CTNNA3: variants seen among roughly 807,000 people sequenced by gnomAD.
CTNNA3 encodes the protein catenin alpha-3.
Under a neutral mutation model 95.7 loss-of-function variants are expected in CTNNA3, and 76 were observed. The observed-to-expected ratio is 0.79, with a 90% confidence interval of 0.66 to 0.96. The LOEUF is 0.96. CTNNA3 is among the 40% of genes least tolerant of loss of function. CTNNA3 has a pLI of 0.00. For synonymous variants in CTNNA3, 431 were observed against 374.4 expected, an observed-to-expected ratio of 1.15 and a Z score of -1.74; for missense variants, 1,191 against 1,089.8, an observed-to-expected ratio of 1.09 and a Z score of -1.31.
At chr10:66,639,285 A>G (rs1589053022) in intron 9 of CTNNA3, among the ~76,000 whole-genome samples, 1 of 152,152 alleles carries the variant, frequency 6.6e-6, no homozygotes, top group East Asian at 1.9e-4. Flanking sequence ...TGAAAAAAAC[A>G]TTTTATTATT....
At chr10:67,584,098 C>T (rs562331956) in intron 3 of CTNNA3, among the ~76,000 whole-genome samples, 10 of 152,302 alleles carry the variant, frequency 6.6e-5, no homozygotes, top group African/African-American at 2.4e-4. Flanking sequence ...CAGCTTTGTT[C>T]CGTTGCTGGC....
intron 11 of CTNNA3, among the ~76,000 whole-genome samples, chr10:66,445,889 G>T (rs753517033): frequency 6.6e-6 from 1 of 152,078 alleles, no homozygotes; most frequent in Non-Finnish European, 1.5e-5. Flanking sequence ...CCAGGAGCTG[G>T]TTTTTTGAAA....
At chr10:67,264,151 T>C (rs1370774380) in intron 5 of CTNNA3, among the ~76,000 whole-genome samples, 2 of 152,138 alleles carry the variant, frequency 1.3e-5, no homozygotes, top group East Asian at 1.9e-4. Context: ...GGACTTGACA[T>C]GTTTTATCTC....
At chr10:66,271,049 T>C (rs1489997211) in intron 13 of CTNNA3, among the ~76,000 whole-genome samples, 1 of 152,188 alleles carries the variant, frequency 6.6e-6, no homozygotes, top group African/African-American at 2.4e-5. Flanking sequence ...TCTCCTATGG[T>C]AAGAGAAAAT....
At chr10:67,312,356 C>A (rs1840848560) in intron 5 of CTNNA3, among the ~76,000 whole-genome samples, 1 of 152,126 alleles carries the variant, frequency 6.6e-6, no homozygotes, top group Admixed American at 6.5e-5. Context: ...TAGGCATGAG[C>A]CACTGCACCT....
chr10:66,955,414 G>T (rs1264240191), intron 7 of CTNNA3, among the ~76,000 whole-genome samples: 2 of 152,114 alleles, frequency 1.3e-5, no homozygotes, highest in Non-Finnish European at 1.5e-5. Flanking sequence ...CTATGATGTA[G>T]GTGATAAAAT....
At chr10:66,956,695 A>C (rs569651906) in intron 7 of CTNNA3, among the ~76,000 whole-genome samples, 3 of 152,306 alleles carry the variant, frequency 2.0e-5, no homozygotes, top group East Asian at 1.9e-4. Flanking sequence ...AGTAAATCTC[A>C]GTATTCTGAC....
chr10:66,990,146 T>C (rs1216757639), intron 7 of CTNNA3, among the ~76,000 whole-genome samples: 1 of 152,206 alleles, frequency 6.6e-6, no homozygotes, highest in Admixed American at 6.6e-5. Context: ...TAAGCTGTTA[T>C]GAGATTCCTT....
chr10:66,445,213 A>G (rs895177570), intron 11 of CTNNA3, among the ~76,000 whole-genome samples: 29 of 152,094 alleles, frequency 1.9e-4, no homozygotes, highest in African/African-American at 6.8e-4. Context: ...ACTCCCACAC[A>G]ATAATAATGG....
rs555614755 is a variant in CTNNA3, at chr10:65,951,660, A to C, written c.2400+14952T>G. On this transcript the variant is annotated intron_variant, in intron 17 of 17. Transcript: ENST00000433211. Reference sequence around the variant, plus strand: ...CCCACCCCTGTCATCTCAGCACTAAAGTCACCGAGAGGTCATAGGGCTTCA... The same window carrying C: ...CCCACCCCTGTCATCTCAGCACTAACGTCACCGAGAGGTCATAGGGCTTCA... Among the ~76,000 whole-genome samples the C allele has an allele frequency of 2.0e-5, 3 of 152,092 alleles. No individual in the cohort carries two copies. The East Asian group carries it at 5.8e-4, about 30-fold the overall frequency.
chr10:66,760,207 G>A lies in CTNNA3; in HGVS notation c.1281+6057C>T, dbSNP rs114437951. On this transcript the variant is annotated intron_variant, in intron 9 of 17. Transcript: ENST00000433211. The stretch of plus-strand genomic sequence containing the variant: ...CCACACGCAGGCTCTACTGAAATAT[G>A]ACTTCCCTTTAGTCCCTTTCCTGGT... Among the ~76,000 whole-genome samples, 926 of 152,222 alleles carry A rather than the reference G, an allele frequency of 6.1e-3. 11 individuals carry two copies. Among genetic ancestry groups the A allele is most frequent in the African/African-American group, 0.021 (865 of 41,530 alleles).
intron 10 of CTNNA3, among the ~76,000 whole-genome samples, chr10:66,547,143 G>T (rs1380681937): frequency 1.3e-5 from 2 of 151,800 alleles, no homozygotes; most frequent in Non-Finnish European, 2.9e-5. Flanking sequence ...ATAGAGTGTG[G>T]TGAATTATTA....
At position 65,966,889 on chromosome 10, in the gene CTNNA3, C is replaced by G. The variant is rs185611932; in HGVS notation, c.2266-143G>C. 640 of 540,056 alleles carry G rather than the reference C, an allele frequency of 1.2e-3. 3 individuals carry two copies. The highest frequency in any genetic ancestry group is 8.7e-3 in the African/African-American group (458 of 52,622). 33.5% of individuals were successfully genotyped at this position (540,056 alleles called of 1,614,324 possible). A position where few individuals can be genotyped will look rare whatever the true frequency, so the allele number is the denominator to read the frequency against. On this transcript the variant is annotated intron_variant, in intron 16 of 17. Coordinates refer to ENST00000433211, the MANE Select transcript of CTNNA3 (RefSeq NM_013266.4). Reference sequence around the variant, plus strand: ...ACAGGACCAAGTAGCTTCTGATATGCTTCTACCATTTACAATAGTTCATTC... The same window carrying G: ...ACAGGACCAAGTAGCTTCTGATATGGTTCTACCATTTACAATAGTTCATTC...
chr10:66,267,267 C>T (rs1302692590), intron 13 of CTNNA3, among the ~76,000 whole-genome samples: 3 of 152,070 alleles, frequency 2.0e-5, no homozygotes, highest in Admixed American at 6.6e-5. Flanking sequence ...TGTACACTGG[C>T]GTCCAGGTAC....
chr10:67,336,757 A>G (rs1842009687), intron 5 of CTNNA3, among the ~76,000 whole-genome samples: 1 of 152,152 alleles, frequency 6.6e-6, no homozygotes, highest in South Asian at 2.1e-4. Context: ...CCATCTGAAA[A>G]TCCTAGGGCC....
chr10:66,127,271 C>CAAAAA (rs35884096), intron 13 of CTNNA3, among the ~76,000 whole-genome samples: 1 of 74,150 alleles, frequency 1.3e-5, no homozygotes, highest in Admixed American at 1.7e-4. Context: ...GACTCTGTCT[C>CAAAAA]AAAAAAAAAA....
chr10:67,609,757 G>A (rs1042328596), intron 2 of CTNNA3, among the ~76,000 whole-genome samples: 9 of 152,184 alleles, frequency 5.9e-5, no homozygotes, highest in Non-Finnish European at 1.2e-4. Flanking sequence ...TGTTCCCCAT[G>A]TAGGTGCAGA....
At chr10:66,849,152 AC>A (rs1843387196) in intron 7 of CTNNA3, among the ~76,000 whole-genome samples, 1 of 152,160 alleles carries the variant, frequency 6.6e-6, no homozygotes, top group Non-Finnish European at 1.5e-5. Flanking sequence ...GTAATGGAAC[AC>A]CTCATTTAAG....
rs1589468715 is a variant in CTNNA3, at chr10:67,596,758, C to G, written c.292+10099G>C. Among the ~76,000 whole-genome samples the G allele has an allele frequency of 2.6e-5, 4 of 152,182 alleles. No individual in the cohort carries two copies. The East Asian group carries it at 7.7e-4, about 29-fold the overall frequency. On this transcript the variant is annotated intron_variant, in intron 3 of 17. Transcript: ENST00000433211. ...AATTATGTGTCTTGGGGATAGTCAT[C>G]TTGTATAGTATGTCACAGGGGTCTC... is the stretch of plus-strand genomic sequence containing the variant.
Sources: allele counts gnomAD v4.1 joint callset (sites outside exome capture counted in the v4.1 genomes callset), GRCh38; gene constraint gnomAD v4.1.1; transcripts MANE v1.5; gene names NCBI Gene and HGNC (gene_info 2026-07-23, HGNC 2026-07-21).